Variants in RPS6KC1 observed in about 807,000 individuals in gnomAD.
RPS6KC1 encodes inactive ribosomal protein S6 kinase delta-1.
In RPS6KC1, 54 loss-of-function variants were observed where a neutral mutation model predicts 103.8. That is an observed-to-expected ratio of 0.52 (90% CI 0.42 to 0.65). The LOEUF (loss-of-function observed/expected upper bound fraction) is 0.65, where lower values mean the gene tolerates loss of function less well. Ranked by LOEUF, RPS6KC1 falls within the 30% of genes least tolerant of loss-of-function variation. The pLI, the probability that RPS6KC1 is intolerant of heterozygous loss-of-function variation, is 0.00. For missense variants in RPS6KC1, 1,151 were observed against 1,253.8 expected, an observed-to-expected ratio of 0.92 and a Z score of 1.24; for synonymous variants, 439 against 438.7, an observed-to-expected ratio of 1.00 and a Z score of -0.01.
chr1:213,290,144 C>CAAAAA, the RPS6KC1 span, among the ~76,000 whole-genome samples: 25 of 70,028 alleles, frequency 3.6e-4, no homozygotes, highest in East Asian at 1.4e-3. Flanking sequence ...GACTCCGTCT[C>CAAAAA]AAAAAAAAAA....
At chr1:213,392,247 C>A in the RPS6KC1 span, among the ~76,000 whole-genome samples, 3 of 152,100 alleles carry the variant, frequency 2.0e-5, no homozygotes, top group African/African-American at 7.2e-5. Flanking sequence ...AAACTCACCA[C>A]CACTATGCAC....
At chr1:213,644,902 G>A in the RPS6KC1 span, among the ~76,000 whole-genome samples, 2 of 152,114 alleles carry the variant, frequency 1.3e-5, no homozygotes, top group Non-Finnish European at 2.9e-5. Flanking sequence ...CAGAAAGGAG[G>A]TACTTCAGTG....
the RPS6KC1 span, among the ~76,000 whole-genome samples, chr1:213,784,212 T>C: frequency 6.6e-6 from 1 of 152,216 alleles, no homozygotes; most frequent in Non-Finnish European, 1.5e-5. Context: ...TGTTATGCTC[T>C]TTCCCAAGGA....
At chr1:213,760,378 A>G in the RPS6KC1 span, among the ~76,000 whole-genome samples, 2 of 152,168 alleles carry the variant, frequency 1.3e-5, no homozygotes, top group African/African-American at 4.8e-5. Flanking sequence ...ACATTTGCAT[A>G]TATGCTGCTG....
intron 12 of RPS6KC1, among the ~76,000 whole-genome samples, chr1:213,248,441 C>G (rs1199594350): frequency 1.3e-5 from 2 of 152,152 alleles, no homozygotes; most frequent in Non-Finnish European, 2.9e-5. Context: ...AAAACCAAAT[C>G]TATTTATTCT....
rs2149196726 is a variant in RPS6KC1, at chr1:213,272,850, C to T, written c.*216C>T. On this transcript the variant is annotated 3_prime_UTR_variant, in exon 15 of 15. Coordinates refer to ENST00000366960, the MANE Select transcript of RPS6KC1 (RefSeq NM_012424.6). Reference sequence around the variant, plus strand: ...CCAGGGGCTGTTATATACATATATACACAACCAAGGTGTGATCTGAATTTA... The same window carrying T: ...CCAGGGGCTGTTATATACATATATATACAACCAAGGTGTGATCTGAATTTA... The T allele has an allele frequency of 2.5e-6, 1 of 404,182 alleles. No homozygotes were observed. Among genetic ancestry groups the T allele is most frequent in the East Asian group, 4.5e-5 (1 of 22,112 alleles). 25.0% of individuals were successfully genotyped at this position (404,182 alleles called of 1,614,324 possible). A position where few individuals can be genotyped will look rare whatever the true frequency, so the allele number is the denominator to read the frequency against.
the RPS6KC1 span, among the ~76,000 whole-genome samples, chr1:213,419,085 CCTT>C: frequency 6.6e-6 from 1 of 152,254 alleles, no homozygotes; most frequent in Non-Finnish European, 1.5e-5. Context: ...GACTCCCTAT[CCTT>C]CTTCCTCTAT....
At chr1:213,668,663 T>C in the RPS6KC1 span, among the ~76,000 whole-genome samples, 1 of 152,116 alleles carries the variant, frequency 6.6e-6, no homozygotes, top group African/African-American at 2.4e-5. Flanking sequence ...AACCATGCAT[T>C]GACTTCTCCT....
chr1:213,779,306 G>A, the RPS6KC1 span, among the ~76,000 whole-genome samples: 2 of 152,008 alleles, frequency 1.3e-5, no homozygotes, highest in East Asian at 1.9e-4. Flanking sequence ...GACCCAAAGG[G>A]CCCCTTAAAT....
the RPS6KC1 span, among the ~76,000 whole-genome samples, chr1:213,786,435 A>G: frequency 6.6e-6 from 1 of 152,326 alleles, no homozygotes; most frequent in East Asian, 1.9e-4. Flanking sequence ...AAATTCTATC[A>G]TAGTACAGTG....
the RPS6KC1 span, among the ~76,000 whole-genome samples, chr1:213,816,832 A>G: frequency 3.3e-5 from 5 of 152,142 alleles, no homozygotes; most frequent in Admixed American, 6.5e-5. Context: ...ATTTTCCTCA[A>G]TAGTCAAATG....
the RPS6KC1 span, among the ~76,000 whole-genome samples, chr1:213,610,954 A>G: frequency 6.6e-6 from 1 of 152,194 alleles, no homozygotes; most frequent in East Asian, 1.9e-4. Context: ...TGTGTGAAAC[A>G]TTTCCTATTT....
At chr1:213,489,173 G>A in the RPS6KC1 span, among the ~76,000 whole-genome samples, 1 of 152,170 alleles carries the variant, frequency 6.6e-6, no homozygotes, top group African/African-American at 2.4e-5. Context: ...TTCCTAATTT[G>A]GCAGGACATG....
At chr1:213,403,894 T>G in the RPS6KC1 span, among the ~76,000 whole-genome samples, 1 of 152,160 alleles carries the variant, frequency 6.6e-6, no homozygotes, top group Non-Finnish European at 1.5e-5. Flanking sequence ...AGGAGGGAGC[T>G]CCCTTCTGCT....
the RPS6KC1 span, among the ~76,000 whole-genome samples, chr1:213,329,640 A>C: frequency 6.7e-6 from 1 of 148,794 alleles, no homozygotes; most frequent in Non-Finnish European, 1.5e-5. Flanking sequence ...GAACTTTCCC[A>C]CTCCCCGGCT....
chr1:213,668,727 C>T, the RPS6KC1 span, among the ~76,000 whole-genome samples: 114,196 of 152,088 alleles, frequency 0.75, 44,297 homozygotes, highest in East Asian at 0.97. Context: ...GGCTGTTTTG[C>T]CTCCATTGAA....
the RPS6KC1 span, among the ~76,000 whole-genome samples, chr1:213,716,568 C>A: frequency 6.6e-6 from 1 of 152,280 alleles, no homozygotes; most frequent in South Asian, 2.1e-4. Flanking sequence ...GGGAAAAAAT[C>A]TTGCTTTCTA....
the RPS6KC1 span, among the ~76,000 whole-genome samples, chr1:213,300,726 T>C: frequency 1.3e-5 from 2 of 152,232 alleles, no homozygotes; most frequent in African/African-American, 4.8e-5. Context: ...CTGAGAAGGC[T>C]CAGCCAGTCT....
chr1:213,585,860 G>T, the RPS6KC1 span, among the ~76,000 whole-genome samples: 1 of 152,122 alleles, frequency 6.6e-6, no homozygotes, highest in African/African-American at 2.4e-5. Context: ...TGGGTGCCCA[G>T]GATGATCTTC....
Sources: allele counts gnomAD v4.1 joint callset (sites outside exome capture counted in the v4.1 genomes callset), GRCh38; gene constraint gnomAD v4.1.1; transcripts MANE v1.5; gene names NCBI Gene and HGNC (gene_info 2026-07-23, HGNC 2026-07-21).